The following LRRC49 variants were observed in gnomAD, a reference collection of about 807,000 sequenced individuals.
LRRC49 encodes leucine-rich repeat-containing protein 49.
A neutral mutation model predicts 83.3 loss-of-function variants in LRRC49; 50 were observed. That is an observed-to-expected ratio of 0.60 (90% CI 0.48 to 0.76). The LOEUF (loss-of-function observed/expected upper bound fraction) is 0.76. LRRC49 is among the 30% of genes least tolerant of loss of function. The pLI is 0.00. For synonymous variants in LRRC49, 286 were observed against 283.3 expected, an observed-to-expected ratio of 1.01 and a Z score of -0.10; for missense variants, 704 against 809.1, an observed-to-expected ratio of 0.87 and a Z score of 1.58.
At chr15:70,871,160 C>T (rs1039605470) in intron 1 of LRRC49, among the ~76,000 whole-genome samples, 1 of 151,244 alleles carries the variant, frequency 6.6e-6, no homozygotes, top group African/African-American at 2.4e-5. Flanking sequence ...TGACTCTTAA[C>T]GAGTATGCTG....
At chr15:71,014,179 A>G (rs2038750853) in intron 14 of LRRC49, among the ~76,000 whole-genome samples, 1 of 152,238 alleles carries the variant, frequency 6.6e-6, no homozygotes, top group East Asian at 1.9e-4. Context: ...TGTAGAAAGA[A>G]ATCGGTAAAA....
chr15:71,045,862 ATGT>A (rs1359206585), intron 15 of LRRC49, among the ~76,000 whole-genome samples: 2 of 152,024 alleles, frequency 1.3e-5, no homozygotes, highest in Non-Finnish European at 2.9e-5. Flanking sequence ...ACCACCCTCT[ATGT>A]TGTTCCCATA....
chr15:70,853,848 C>G, intron 1 of LRRC49: 1 of 1,215,696 alleles, frequency 8.2e-7, no homozygotes, highest in Non-Finnish European at 1.0e-6. Context: ...CGGCCCGGCG[C>G]CCCCTCGGGG....
intron 1 of LRRC49, among the ~76,000 whole-genome samples, chr15:70,871,800 GC>G (rs937462677): frequency 2.0e-5 from 3 of 151,022 alleles, no homozygotes; most frequent in African/African-American, 7.3e-5. Flanking sequence ...CCCAGACGGG[GC>G]GGGGGGGTAG....
At chr15:70,957,099 C>T (rs994352926) in intron 8 of LRRC49, among the ~76,000 whole-genome samples, 1 of 152,166 alleles carries the variant, frequency 6.6e-6, no homozygotes, top group Non-Finnish European at 1.5e-5. Context: ...AATGAAGATA[C>T]TGTTTAGTTT....
chr15:70,857,213 C>A (rs1458551234), intron 1 of LRRC49, among the ~76,000 whole-genome samples: 2 of 152,132 alleles, frequency 1.3e-5, no homozygotes, highest in African/African-American at 4.8e-5. Flanking sequence ...AAAACTCAAC[C>A]CTAGAAGACC....
chr15:70,871,492 C>T (rs1382753390), intron 1 of LRRC49, among the ~76,000 whole-genome samples: 1 of 152,164 alleles, frequency 6.6e-6, no homozygotes, highest in African/African-American at 2.4e-5. Flanking sequence ...AGGTGGCGGC[C>T]GGGCAGAGGG....
At chr15:70,979,290 CTGTT>C (rs1445986519) in intron 9 of LRRC49, among the ~76,000 whole-genome samples, 4 of 152,044 alleles carry the variant, frequency 2.6e-5, no homozygotes, top group Middle Eastern at 3.4e-3. Flanking sequence ...TTTTTCTAAA[CTGTT>C]TGTAAGGTTA....
intron 6 of LRRC49, among the ~76,000 whole-genome samples, chr15:70,914,147 T>C (rs919130923): frequency 6.6e-6 from 1 of 152,058 alleles, no homozygotes; most frequent in Non-Finnish European, 1.5e-5. Flanking sequence ...TCTTGTTTCA[T>C]AATATATGAA....
intron 8 of LRRC49, among the ~76,000 whole-genome samples, chr15:70,962,228 G>A (rs919124088): frequency 6.6e-6 from 1 of 152,164 alleles, no homozygotes; most frequent in African/African-American, 2.4e-5. Context: ...AGATAAGCAA[G>A]GGAAGGAGGC....
At chr15:70,940,576 A>G (rs2035778090) in intron 8 of LRRC49, among the ~76,000 whole-genome samples, 2 of 152,148 alleles carry the variant, frequency 1.3e-5, no homozygotes. Flanking sequence ...AGGTTGTTAG[A>G]TAGTATTCCT....
intron 11 of LRRC49, among the ~76,000 whole-genome samples, chr15:70,993,510 C>T (rs922692226): frequency 6.6e-6 from 1 of 152,134 alleles, no homozygotes; most frequent in Non-Finnish European, 1.5e-5. Flanking sequence ...CCTATTCGAC[C>T]ATCTTGGAAC....
At chr15:70,975,935 G>T (rs1472649418) in intron 9 of LRRC49, among the ~76,000 whole-genome samples, 1 of 152,106 alleles carries the variant, frequency 6.6e-6, no homozygotes, top group Non-Finnish European at 1.5e-5. Context: ...CAGAAATAAT[G>T]TATATCATTT....
At chr15:70,938,358 A>C (rs2035677267) in intron 8 of LRRC49, among the ~76,000 whole-genome samples, 1 of 152,164 alleles carries the variant, frequency 6.6e-6, no homozygotes, top group Non-Finnish European at 1.5e-5. Flanking sequence ...TTCTCAAGAA[A>C]ATAAAGATAG....
At chr15:71,000,678 T>A (rs1025166248) in intron 11 of LRRC49, among the ~76,000 whole-genome samples, 5 of 152,316 alleles carry the variant, frequency 3.3e-5, no homozygotes, top group South Asian at 2.1e-4. Flanking sequence ...ATTGCCTTTT[T>A]AAAAAATTGA....
chr15:70,872,640 T>C (rs140797514), intron 1 of LRRC49, among the ~76,000 whole-genome samples: 1 of 152,226 alleles, frequency 6.6e-6, no homozygotes, highest in East Asian at 1.9e-4. Context: ...AAAAAGTGTG[T>C]GTTCTAAAAA....
At position 71,042,562 on chromosome 15, in the gene LRRC49, C is replaced by A. The variant is rs1294400990; in HGVS notation, c.1857+5230C>A. ...CTCGACTCACAGCCCAGCATTCCTT[C>A]ACTTATACCATGCTCCTTACATCTT... On this transcript the variant is annotated intron_variant, in intron 15 of 15. Transcript: ENST00000260382. 2.6e-5 allele frequency among the ~76,000 whole-genome samples: 4 copies of A among 152,332 alleles called. No individual in the cohort carries two copies. In the East Asian group the frequency reaches 7.7e-4, roughly 29 times the overall value.
At chr15:70,939,821 T>C (rs1009197058) in intron 8 of LRRC49, among the ~76,000 whole-genome samples, 10 of 151,614 alleles carry the variant, frequency 6.6e-5, no homozygotes, top group Non-Finnish European at 1.0e-4. Context: ...TTTTTCTTTA[T>C]GATATCACTG....
intron 11 of LRRC49, among the ~76,000 whole-genome samples, chr15:70,988,753 A>C (rs569735419): frequency 6.6e-6 from 1 of 152,262 alleles, no homozygotes; most frequent in African/African-American, 2.4e-5. Flanking sequence ...ACAATTTGGC[A>C]TGATTTTGCA....
Sources: gnomAD v4.1 joint callset for allele counts (sites outside exome capture counted in the v4.1 genomes callset) on GRCh38, gnomAD v4.1.1 for gene constraint, MANE v1.5 for transcripts, NCBI Gene and HGNC (gene_info 2026-07-23, HGNC 2026-07-21) for gene names.